ACER1: variants seen among roughly 807,000 people sequenced by gnomAD.
ACER1 encodes alkaline ceramidase 1, also known as CTB-180A7.3.
Under a neutral mutation model 24.9 loss-of-function variants are expected in ACER1, and 28 were observed. The observed-to-expected ratio is 1.13, with a 90% CI of 0.83 to 1.54. The LOEUF (loss-of-function observed/expected upper bound fraction) is 1.54. Ranked by LOEUF, ACER1 falls within the 40% of genes most tolerant of loss-of-function variation. The pLI, the probability that ACER1 is intolerant of heterozygous loss-of-function variation, is 0.00. For synonymous variants in ACER1, 132 were observed against 131.4 expected (o/e 1.00, Z -0.03); for missense variants, 352 against 349.3 (o/e 1.01, Z -0.06).
At chr19:6,310,397 C>T (rs2091573283) in intron 3 of ACER1, among the ~76,000 whole-genome samples, 1 of 151,986 alleles carries the variant, frequency 6.6e-6, no homozygotes, top group African/African-American at 2.4e-5. Context: ...CTGGTGAAAT[C>T]CCATTTCTGC....
chr19:6,328,496 C>CAAAAAAAAA (rs1013111916), intron 1 of ACER1, among the ~76,000 whole-genome samples: 1 of 41,240 alleles, frequency 2.4e-5, no homozygotes, highest in African/African-American at 6.5e-5. Context: ...GACTCCATCT[C>CAAAAAAAAA]AAAAAAAAAA....
intron 3 of ACER1, among the ~76,000 whole-genome samples, chr19:6,311,292 C>G (rs2091578642): frequency 6.6e-6 from 1 of 152,000 alleles, no homozygotes; most frequent in African/African-American, 2.4e-5. Flanking sequence ...GCCTGTAATC[C>G]CAGCACTTTG....
chr19:6,310,891 AAAG>A (rs1301761797), intron 3 of ACER1, among the ~76,000 whole-genome samples: 6 of 151,634 alleles, frequency 4.0e-5, no homozygotes, highest in Middle Eastern at 3.4e-3. Flanking sequence ...AAAAAAAAAA[AAAG>A]AAGAAGGAGA....
At chr19:6,355,702 G>T in the ACER1 span, among the ~76,000 whole-genome samples, 4 of 144,516 alleles carry the variant, frequency 2.8e-5, no homozygotes, top group African/African-American at 2.7e-5. Flanking sequence ...CTACTGGGAA[G>T]TGAGGAGCCC....
intron 1 of ACER1, among the ~76,000 whole-genome samples, chr19:6,321,070 A>G (rs571563109): frequency 6.6e-6 from 1 of 151,966 alleles, no homozygotes; most frequent in East Asian, 1.9e-4. Context: ...AAACTATGCA[A>G]TTCAGTGGGT....
chr19:6,358,145 C>T, the ACER1 span, among the ~76,000 whole-genome samples: 177 of 152,316 alleles, frequency 1.2e-3, no homozygotes, highest in African/African-American at 4.2e-3. Flanking sequence ...GGCCACCCAC[C>T]TGACTCACAG....
intron 1 of ACER1, among the ~76,000 whole-genome samples, chr19:6,312,716 C>T (rs1369256085): frequency 1.3e-5 from 2 of 148,332 alleles, no homozygotes; most frequent in African/African-American, 2.5e-5. Flanking sequence ...TGCTCTGTCA[C>T]TCAGGCTGGA....
chr19:6,335,602 G>A (rs151069192), upstream of ACER1, among the ~76,000 whole-genome samples: 740 of 152,038 alleles, frequency 4.9e-3, 4 homozygotes, highest in Non-Finnish European at 8.9e-3. Flanking sequence ...AGACCAAGGC[G>A]GGAGGATCAC....
chr19:6,347,994 A>G, the ACER1 span, among the ~76,000 whole-genome samples: 1 of 149,760 alleles, frequency 6.7e-6, no homozygotes, highest in Non-Finnish European at 1.5e-5. Flanking sequence ...GGAGTTTGAG[A>G]CCAGCCTGGC....
intron 1 of ACER1, among the ~76,000 whole-genome samples, chr19:6,331,436 A>C (rs921294518): frequency 6.9e-5 from 9 of 131,178 alleles, no homozygotes; most frequent in South Asian, 5.2e-4. Flanking sequence ...GGCGTGAGCC[A>C]TAGCACCCAG....
At chr19:6,307,898 C>A (rs2091559759) in intron 4 of ACER1, among the ~76,000 whole-genome samples, 1 of 151,672 alleles carries the variant, frequency 6.6e-6, no homozygotes, top group South Asian at 2.1e-4. Flanking sequence ...ACCAGCTTGG[C>A]CAACATGGTG....
intron 1 of ACER1, among the ~76,000 whole-genome samples, chr19:6,318,891 C>T (rs572057540): frequency 4.0e-5 from 6 of 150,332 alleles, no homozygotes; most frequent in Non-Finnish European, 8.9e-5. Flanking sequence ...AAAGACTAGA[C>T]GGGTGGTGGT....
the ACER1 span, among the ~76,000 whole-genome samples, chr19:6,341,607 C>G: frequency 1.9e-4 from 27 of 145,384 alleles, no homozygotes; most frequent in African/African-American, 3.0e-4. Context: ...TTTTTGTTTT[C>G]TTTTGTTTTG....
At chr19:6,328,442 G>A (rs2091671682) in intron 1 of ACER1, among the ~76,000 whole-genome samples, 1 of 124,610 alleles carries the variant, frequency 8.0e-6, no homozygotes, top group East Asian at 2.8e-4. Context: ...AGTGAGCCAA[G>A]ATCGAGATTG....
At chr19:6,349,962 C>T in the ACER1 span, among the ~76,000 whole-genome samples, 1 of 152,152 alleles carries the variant, frequency 6.6e-6, no homozygotes, top group Non-Finnish European at 1.5e-5. Flanking sequence ...AAGACCTCGT[C>T]TCTACCAAAA....
At chr19:6,347,964 G>C in the ACER1 span, among the ~76,000 whole-genome samples, 1 of 150,778 alleles carries the variant, frequency 6.6e-6, no homozygotes, top group Admixed American at 6.6e-5. Flanking sequence ...CCAAGGTGGG[G>C]GGCGGATCAC....
the ACER1 span, among the ~76,000 whole-genome samples, chr19:6,348,292 C>G: frequency 6.6e-6 from 1 of 151,554 alleles, no homozygotes; most frequent in African/African-American, 2.4e-5. Flanking sequence ...TGGTGAAACC[C>G]TGTCTCTACT....
At chr19:6,355,560 C>G in the ACER1 span, among the ~76,000 whole-genome samples, 10 of 151,676 alleles carry the variant, frequency 6.6e-5, no homozygotes, top group Middle Eastern at 3.4e-3. Flanking sequence ...ACAGCCACCC[C>G]ACCCGGGAGG....
At chr19:6,328,494 C>T (rs2091671942) in intron 1 of ACER1, among the ~76,000 whole-genome samples, 1 of 78,630 alleles carries the variant, frequency 1.3e-5, no homozygotes, top group African/African-American at 8.3e-5. Flanking sequence ...GAGACTCCAT[C>T]TCAAAAAAAA....
Sources: gnomAD v4.1 joint callset for allele counts (sites outside exome capture counted in the v4.1 genomes callset) on GRCh38, gnomAD v4.1.1 for gene constraint, MANE v1.5 for transcripts, NCBI Gene and HGNC (gene_info 2026-07-23, HGNC 2026-07-21) for gene names.